Variants in CNR1 observed in about 807,000 individuals in gnomAD.
The protein encoded by CNR1 is cannabinoid receptor 1.
CNR1 carries 10 observed loss-of-function variants against 23.0 expected under a neutral mutation model. The observed-to-expected ratio is 0.43, with a 90% confidence interval of 0.27 to 0.74. The LOEUF is 0.74. Among genes scored for constraint, CNR1 ranks in the 30% least tolerant of loss-of-function variants. CNR1 has a pLI of 0.19. For missense variants in CNR1, 422 were observed against 618.8 expected (o/e 0.68, Z 3.37); for synonymous variants, 271 against 255.2 (o/e 1.06, Z -0.59).
chr6:88,151,557 C>T (rs1242381486), intron 1 of CNR1, among the ~76,000 whole-genome samples: 1 of 152,016 alleles, frequency 6.6e-6, no homozygotes, highest in East Asian at 1.9e-4. Context: ...AAATTAAATG[C>T]ATGTAAAACA....
intron 1 of CNR1, among the ~76,000 whole-genome samples, chr6:88,157,141 A>G (rs1777844584): frequency 6.6e-6 from 1 of 152,178 alleles, no homozygotes; most frequent in African/African-American, 2.4e-5. Context: ...AATCTTAATT[A>G]TATGCTGTTG....
At chr6:88,167,336 A>G (rs933825737), upstream of CNR1, among the ~76,000 whole-genome samples, 4 of 152,178 alleles carry the variant, frequency 2.6e-5, no homozygotes, top group African/African-American at 9.7e-5. Flanking sequence ...TGTTTCCACT[A>G]TCAGCCGCCG....
intron 1 of CNR1, among the ~76,000 whole-genome samples, chr6:88,165,286 G>A (rs1239900699): frequency 6.6e-6 from 1 of 152,138 alleles, no homozygotes; most frequent in East Asian, 1.9e-4. Context: ...GAGTTAAACG[G>A]TTCCATCAAC....
chr6:88,162,499 A>G, intron 1 of CNR1, among the ~76,000 whole-genome samples: 1 of 152,224 alleles, frequency 6.6e-6, no homozygotes, highest in East Asian at 1.9e-4. Flanking sequence ...TATACAGAGA[A>G]TTAAATGCTT....
chr6:88,143,890 GA>G lies in CNR1; in HGVS notation c.1384del (p.Ser462LeufsTer27). 6.2e-7 allele frequency: 1 copy of G among 1,614,084 alleles called. No homozygotes were observed. Among genetic ancestry groups the G allele is most frequent in the Non-Finnish European group, 8.5e-7 (1 of 1,179,988 alleles). ...STVKIAKVTM[S>X]VSTDTSAEAL is the part of the protein sequence containing the mutation. ...CTCGGCAGACGTGTCTGTGGACACA[GA>G]CATGGTTACCTTGGCAATCTTGACC... On this transcript the variant is annotated frameshift_variant, in exon 2 of 2. Coordinates refer to ENST00000369501, the MANE Select transcript of CNR1 (RefSeq NM_016083.6). LOFTEE classifies it high-confidence loss of function.
intron 1 of CNR1, among the ~76,000 whole-genome samples, chr6:88,164,528 C>T (rs1778267725): frequency 6.6e-6 from 1 of 152,078 alleles, no homozygotes. Context: ...CTATAAATGG[C>T]CTTTTATTTT....
At chr6:88,164,762 C>T (rs978830035) in intron 1 of CNR1, among the ~76,000 whole-genome samples, 1 of 152,140 alleles carries the variant, frequency 6.6e-6, no homozygotes, top group Admixed American at 6.5e-5. Context: ...TCAGTGGTGA[C>T]CCCACTAATA....
At chr6:88,146,134 T>C (rs1777172070) in intron 1 of CNR1, among the ~76,000 whole-genome samples, 1 of 151,498 alleles carries the variant, frequency 6.6e-6, no homozygotes, top group African/African-American at 2.4e-5. Flanking sequence ...TGATACAGAG[T>C]CTTGCTCTGC....
intron 1 of CNR1, among the ~76,000 whole-genome samples, chr6:88,149,306 T>C (rs1777392292): frequency 6.6e-6 from 1 of 152,208 alleles, no homozygotes; most frequent in Non-Finnish European, 1.5e-5. Flanking sequence ...CGAGTATCCT[T>C]AGTATCCTTA....
In CNR1 at chr6:88,143,591, G is replaced by A. The variant is rs757342765; in HGVS notation, c.*265C>T. On this transcript the variant is annotated 3_prime_UTR_variant, in exon 2 of 2. Transcript: ENST00000369501. ...TAGACTTCCAATTGTGTAGCCAAAG[G>A]TTTCCCTCCTATTTCATTGAGACTT... 4 of 364,724 alleles carry A rather than the reference G, an allele frequency of 1.1e-5. No homozygotes were observed. The highest frequency in any genetic ancestry group is 2.1e-5 in the African/African-American group (1 of 47,834). The allele number at this position is 364,724 out of a possible 1,614,324, so 22.6% of individuals were successfully genotyped here.
At chr6:88,150,935 G>A (rs1777487732) in intron 1 of CNR1, among the ~76,000 whole-genome samples, 1 of 152,164 alleles carries the variant, frequency 6.6e-6, no homozygotes, top group African/African-American at 2.4e-5. Context: ...AGTCTTTCTA[G>A]TCACCTAAGT....
At chr6:88,161,251 C>T (rs1046329942) in intron 1 of CNR1, among the ~76,000 whole-genome samples, 4 of 152,194 alleles carry the variant, frequency 2.6e-5, no homozygotes, top group Non-Finnish European at 5.9e-5. Context: ...CAGGTGTGAA[C>T]ATTTCTCCAG....
intron 1 of CNR1, among the ~76,000 whole-genome samples, chr6:88,157,951 T>C (rs192335024): frequency 6.6e-6 from 1 of 152,318 alleles, no homozygotes; most frequent in African/African-American, 2.4e-5. Flanking sequence ...CTCACTAAAA[T>C]AATTTTAAAT....
chr6:88,143,742 T>A lies in CNR1; in HGVS notation c.*114A>T. On this transcript the variant is annotated 3_prime_UTR_variant, in exon 2 of 2. Coordinates refer to ENST00000369501, the MANE Select transcript of CNR1 (RefSeq NM_016083.6). ...TAAGTGATCATGGTGACAATCACCT[T>A]TTCATTGAGCATGGTAAAGTTAAAA... 1 of 761,094 alleles carries A rather than the reference T, an allele frequency of 1.3e-6. No homozygotes were observed. The highest frequency in any genetic ancestry group is 2.2e-6 in the Non-Finnish European group (1 of 457,024). The allele number at this position is 761,094 out of a possible 1,614,324, so 47.1% of individuals were successfully genotyped here. A position where few individuals can be genotyped will look rare whatever the true frequency, so the allele number is the denominator to read the frequency against.
upstream of CNR1, chr6:88,166,463 G>A (rs1778375437): frequency 6.6e-6 from 1 of 152,568 alleles, no homozygotes. Context: ...ACTGCGCGGG[G>A]AGGGACCTGA....
chr6:88,164,711 G>C (rs1030561977), intron 1 of CNR1, among the ~76,000 whole-genome samples: 1 of 152,138 alleles, frequency 6.6e-6, no homozygotes, highest in African/African-American at 2.4e-5. Flanking sequence ...TTAAAGGTTG[G>C]TTGCTCTGAG....
Position 88,144,056 on chromosome 6 carries a change from C to T in CNR1, c.1219G>A (p.Ala407Thr), listed in dbSNP as rs755954769. Residue 407 changes from alanine to threonine, a missense_variant, in exon 2 of 2, where the codon GCT becomes ACT. Coordinates refer to ENST00000369501, the MANE Select transcript of CNR1 (RefSeq NM_016083.6). This position sits in a 1 kb window ranked among gnomAD's most constrained non-coding sequence, Gnocchi z 7.8. Reference sequence around the variant, plus strand: ...CAAGAGGGAAACATGCTCCGGAAAGCGTGTCGCAGGTCCTTACTCCTCAGA... The same window carrying T: ...CAAGAGGGAAACATGCTCCGGAAAGTGTGTCGCAGGTCCTTACTCCTCAGA... The part of the protein sequence containing the change: ...YALRSKDLRH[A>T]FRSMFPSCEG... 1.4e-5 allele frequency: 23 copies of T among 1,613,936 alleles called. No individual in the cohort carries two copies. Among genetic ancestry groups the T allele is most frequent in the South Asian group, 8.8e-5 (8 of 91,054 alleles).
chr6:88,165,218 A>AAG (rs1411151878), intron 1 of CNR1, among the ~76,000 whole-genome samples: 11 of 152,226 alleles, frequency 7.2e-5, no homozygotes, highest in Non-Finnish European at 1.2e-4. Context: ...TGTAAGCCTT[A>AAG]ACAAGAAATG....
At chr6:88,166,695 G>A (rs1778383618), upstream of CNR1, among the ~76,000 whole-genome samples, 2 of 152,162 alleles carry the variant, frequency 1.3e-5, no homozygotes, top group Admixed American at 6.5e-5. Flanking sequence ...TGGTGCATGC[G>A]CCGCCCACGA....
Sources: gnomAD v4.1 joint callset for allele counts (sites outside exome capture counted in the v4.1 genomes callset) on GRCh38, gnomAD v4.1.1 for gene constraint, Gnocchi (gnomAD v3.1) non-coding constraint, MANE v1.5 for transcripts, NCBI Gene and HGNC (gene_info 2026-07-23, HGNC 2026-07-21) for gene names.